Variants in CNBD2 observed in about 807,000 individuals in gnomAD.
The protein encoded by CNBD2 is cyclic nucleotide binding domain containing 2, also known as cyclic nucleotide-binding domain-containing protein 2.
In CNBD2, 64 loss-of-function variants were observed where a neutral mutation model predicts 63.7. The observed-to-expected ratio is 1.00, with a 90% CI of 0.82 to 1.24. The LOEUF (loss-of-function observed/expected upper bound fraction) is 1.24. CNBD2 is among the 50% of genes most tolerant of loss of function. The pLI, the probability that CNBD2 is intolerant of heterozygous loss-of-function variation, is 0.00. For missense variants in CNBD2, 691 were observed against 713.5 expected, an observed-to-expected ratio of 0.97 and a Z score of 0.36; for synonymous variants, 229 against 255.4, an observed-to-expected ratio of 0.90 and a Z score of 0.99.
chr20:35,972,749 A>G lies in CNBD2; in HGVS notation c.172A>G (p.Ile58Val), dbSNP rs890489047. ...IIETAHWKHP[I>V]FSFWDKKMQS... ...TGAGACTGCTCACTGGAAGCACCCT[A>G]TCTTCTCCTTCTGGGATGTAAGCAG... The change falls in exon 2 of 12, where the codon ATC (isoleucine) becomes GTC (valine). Residue 58 changes from isoleucine to valine, a missense_variant. Ile to Val is a conservative substitution (Grantham distance 29). Coordinates refer to ENST00000373973, the MANE Select transcript of CNBD2 (RefSeq NM_001365709.1). 14 of 1,614,182 alleles carry G rather than the reference A, an allele frequency of 8.7e-6. No homozygotes were observed. Among genetic ancestry groups the G allele is most frequent in the Admixed American group, 5.0e-5 (3 of 60,020 alleles).
intron 9 of CNBD2, 26 bp downstream of exon 9, chr20:36,008,500 C>A: frequency 6.3e-7 from 1 of 1,587,536 alleles, no homozygotes; most frequent in Non-Finnish European, 8.5e-7. Flanking sequence ...GGCAGATAGA[C>A]GGGTCCAGAT....
chr20:35,962,062 A>G (rs2056312745), intron 2 of CNBD2, among the ~76,000 whole-genome samples: 1 of 152,164 alleles, frequency 6.6e-6, no homozygotes, highest in African/African-American at 2.4e-5. Flanking sequence ...GCCTGCAGCC[A>G]TAGCGTTCTC....
intron 10 of CNBD2, among the ~76,000 whole-genome samples, chr20:36,022,952 GGAAGA>G (rs2057237049): frequency 6.6e-6 from 1 of 152,018 alleles, no homozygotes; most frequent in Non-Finnish European, 1.5e-5. Flanking sequence ...TAAGTCCTAA[GGAAGA>G]GAAAAGAGAT....
At chr20:35,978,491 C>A (rs1008727049) in intron 3 of CNBD2, among the ~76,000 whole-genome samples, 2 of 152,092 alleles carry the variant, frequency 1.3e-5, no homozygotes, top group Non-Finnish European at 2.9e-5. Context: ...ACTAAAGGCG[C>A]CTGCCACCAC....
chr20:35,962,257 C>CT lies in CNBD2; in HGVS notation c.228+4502dup, dbSNP rs917656604. On this transcript the variant is annotated intron_variant, in intron 2 of 4. Coordinates refer to the CNBD2 transcript ENST00000622112. Reference sequence around the variant, plus strand: ...AATTCTGAGGCATGCTCCCTGCAGTCTTTTTTTTTTTTTTTTTTTGAGACA... The same window carrying CT: ...AATTCTGAGGCATGCTCCCTGCAGTCTTTTTTTTTTTTTTTTTTTTGAGACA... Among the ~76,000 whole-genome samples, 847 of 131,518 alleles carry CT rather than the reference C, an allele frequency of 6.4e-3. 14 individuals are homozygous for CT. Among genetic ancestry groups the CT allele is most frequent in the Middle Eastern group, 7.7e-3 (2 of 260 alleles). The allele number at this position is 131,518 out of a possible 152,430, so 86.3% of individuals were successfully genotyped here. A position where few individuals can be genotyped will look rare whatever the true frequency, so the allele number is the denominator to read the frequency against.
At chr20:35,983,073 G>A (rs1257499197) in intron 4 of CNBD2, among the ~76,000 whole-genome samples, 8 of 151,636 alleles carry the variant, frequency 5.3e-5, no homozygotes, top group Non-Finnish European at 1.2e-4. Flanking sequence ...ATGGGACTGG[G>A]CACAGTGGCT....
upstream of CNBD2, chr20:35,954,587 G>A: frequency 7.0e-7 from 1 of 1,429,282 alleles, no homozygotes; most frequent in Non-Finnish European, 9.3e-7. Flanking sequence ...CGCATGAGGC[G>A]GCTGCTGCCC....
At chr20:35,961,401 CCT>C (rs1435402252) in intron 2 of CNBD2, among the ~76,000 whole-genome samples, 2 of 152,312 alleles carry the variant, frequency 1.3e-5, no homozygotes, top group African/African-American at 4.8e-5. Context: ...AGTGTCGTCT[CCT>C]CTGGCTGTCT....
chr20:36,007,066 G>A (rs537383164), intron 8 of CNBD2, among the ~76,000 whole-genome samples: 8 of 152,178 alleles, frequency 5.3e-5, no homozygotes, highest in South Asian at 2.1e-4. Flanking sequence ...GTGGGCGCCT[G>A]TAGTCCCAGC....
chr20:36,022,651 G>C (rs1438129127), intron 10 of CNBD2, among the ~76,000 whole-genome samples: 9 of 144,188 alleles, frequency 6.2e-5, no homozygotes, highest in African/African-American at 2.3e-4. Context: ...ACTTTTTTGG[G>C]ATAGTCTCTC....
At chr20:36,010,508 C>T (rs6060753) in intron 9 of CNBD2, among the ~76,000 whole-genome samples, 28,109 of 150,880 alleles carry the variant, frequency 0.19, 2,834 homozygotes, top group South Asian at 0.41. Flanking sequence ...CAGTGGCTTA[C>T]GCCTATAATC....
At chr20:36,024,893 C>T (rs182666550) in intron 11 of CNBD2, among the ~76,000 whole-genome samples, 1 of 152,042 alleles carries the variant, frequency 6.6e-6, no homozygotes, top group East Asian at 1.9e-4. Context: ...CAAGGTTGCA[C>T]CTTTGCACTC....
chr20:35,984,675 A>G lies in CNBD2; in HGVS notation c.613A>G (p.Met205Val), dbSNP rs866860397. ...ASVRRSTIVCMEETEFLVVDR... is the reference protein window; with the variant it reads ...ASVRRSTIVCVEETEFLVVDR... ...AGTGAGGAGGTCCACCATCGTCTGT[A>G]TGGAAGAAACGGAGTTCCTGGTTGT... The change falls in exon 6 of 12, where the codon ATG becomes GTG. Residue 205 changes from methionine to valine, a missense_variant. Transcript: ENST00000373973. 6.2e-7 allele frequency: 1 copy of G among 1,614,228 alleles called. No individual in the cohort carries two copies. The highest frequency in any genetic ancestry group is 8.5e-7 in the Non-Finnish European group (1 of 1,180,032).
intron 7 of CNBD2, among the ~76,000 whole-genome samples, chr20:35,989,866 GGAGA>G (rs35862163): frequency 1.6e-4 from 20 of 121,698 alleles, no homozygotes; most frequent in Admixed American, 2.6e-4. Flanking sequence ...GATGAGAGAG[GGAGA>G]GAGAGAGAGA....
intron 10 of CNBD2, among the ~76,000 whole-genome samples, chr20:36,017,789 C>T (rs989354833): frequency 6.6e-6 from 1 of 152,066 alleles, no homozygotes; most frequent in Non-Finnish European, 1.5e-5. Flanking sequence ...GCGTAATTTC[C>T]AGCCTTCCAG....
At chr20:36,009,469 T>C (rs2057029461) in intron 9 of CNBD2, among the ~76,000 whole-genome samples, 1 of 151,664 alleles carries the variant, frequency 6.6e-6, no homozygotes, top group Admixed American at 6.6e-5. Context: ...CCCAAAGTGC[T>C]GGGATTACAG....
intron 8 of CNBD2, among the ~76,000 whole-genome samples, chr20:36,002,385 T>A (rs1406761210): frequency 6.6e-6 from 1 of 151,548 alleles, no homozygotes; most frequent in Non-Finnish European, 1.5e-5. Context: ...AGGGAAACCG[T>A]GGAAAGAGGG....
intron 5 of CNBD2, 61 bp downstream of exon 5, chr20:35,984,199 T>C: frequency 6.6e-7 from 1 of 1,523,710 alleles, no homozygotes. Context: ...ACAGGACTTC[T>C]GCTAGAACCT....
chr20:36,024,271 G>T (rs1206897873), intron 11 of CNBD2, among the ~76,000 whole-genome samples: 1 of 152,090 alleles, frequency 6.6e-6, no homozygotes, highest in African/African-American at 2.4e-5. Context: ...GGAGACAGAG[G>T]TTGCAGTGAG....
Sources: gnomAD v4.1 joint callset for allele counts (sites outside exome capture counted in the v4.1 genomes callset) on GRCh38, gnomAD v4.1.1 for gene constraint, MANE v1.5 for transcripts, NCBI Gene and HGNC (gene_info 2026-07-23, HGNC 2026-07-21) for gene names.